The following BANP variants were observed in gnomAD, a reference collection of about 807,000 sequenced individuals.
BANP encodes protein BANP.
In BANP, 11 loss-of-function variants were observed where a neutral mutation model predicts 68.1. The observed-to-expected ratio is 0.16, with a 90% CI of 0.10 to 0.27. The LOEUF is 0.27. BANP is among the 10% of genes least tolerant of loss of function. The probability of loss-of-function intolerance (pLI) is 1.00; values close to 1 mark genes in which losing one functional copy is unlikely to be tolerated. For missense variants in BANP, 504 were observed against 722.7 expected, an observed-to-expected ratio of 0.70 and a Z score of 3.47; for synonymous variants, 329 against 303.2, an observed-to-expected ratio of 1.09 and a Z score of -0.88.
intron 4 of BANP, among the ~76,000 whole-genome samples, chr16:87,991,415 C>A (rs1481429881): frequency 6.6e-6 from 1 of 152,146 alleles, no homozygotes; most frequent in Non-Finnish European, 1.5e-5. Context: ...TAATTTGGAG[C>A]ACTTCTCTAG....
chr16:87,975,216 T>A (rs1261248147), intron 2 of BANP, 31 bp downstream of exon 2: 1 of 1,606,606 alleles, frequency 6.2e-7, no homozygotes, highest in Non-Finnish European at 8.5e-7. Context: ...AGGTGAAATA[T>A]TATTCTCTTT....
At chr16:88,005,757 G>A (rs2070854574) in intron 5 of BANP, among the ~76,000 whole-genome samples, 1 of 152,166 alleles carries the variant, frequency 6.6e-6, no homozygotes, top group African/African-American at 2.4e-5. Flanking sequence ...TAACCTCGCC[G>A]GAAAAAAGAC....
At chr16:88,027,141 G>A (rs1351235833) in intron 7 of BANP, among the ~76,000 whole-genome samples, 1 of 152,270 alleles carries the variant, frequency 6.6e-6, no homozygotes, top group African/African-American at 2.4e-5. Context: ...CAGGGCAGAG[G>A]GAAGTTGGGG....
rs1166679361 is a variant in BANP, at chr16:87,984,070, A to G, written c.173A>G (p.Tyr58Cys). ...CQDPSIKSFLYSINQTICLRL... is the reference protein window; with the variant it reads ...CQDPSIKSFLCSINQTICLRL... ...TTTTTTCACTTCCAGTCATTCCTGT[A>G]TTCCATCAACCAGACAATCTGCTTG... The change falls in exon 4 of 14, where the codon TAT becomes TGT. Residue 58 changes from tyrosine (Y) to cysteine (C), a missense_variant. Coordinates refer to ENST00000682872, the MANE Select transcript of BANP (RefSeq NM_001386991.1). 5 of 1,613,988 alleles carry G rather than the reference A, an allele frequency of 3.1e-6. No individual in the cohort carries two copies. The East Asian group carries it at 6.7e-5, about 22-fold the overall frequency.
chr16:87,968,926 A>G (rs2060619169), intron 1 of BANP, among the ~76,000 whole-genome samples: 1 of 152,226 alleles, frequency 6.6e-6, no homozygotes, highest in African/African-American at 2.4e-5. Context: ...TGGAAATATT[A>G]TTAGAGGATG....
intron 4 of BANP, among the ~76,000 whole-genome samples, chr16:87,986,276 T>C (rs1247622926): frequency 6.6e-6 from 1 of 152,238 alleles, no homozygotes; most frequent in African/African-American, 2.4e-5. Context: ...ACTTGTCACT[T>C]GTCACGTTGT....
intron 1 of BANP, among the ~76,000 whole-genome samples, chr16:87,970,998 CAG>C (rs1231286658): frequency 1.5e-5 from 2 of 134,658 alleles, no homozygotes; most frequent in African/African-American, 5.9e-5. Flanking sequence ...GCCTGGGCAA[CAG>C]AGTGAGACTG....
chr16:87,949,946 C>G (rs1419441901), upstream of BANP, among the ~76,000 whole-genome samples: 2 of 150,572 alleles, frequency 1.3e-5, no homozygotes, highest in South Asian at 2.1e-4. Context: ...GGCGCCATCT[C>G]GGCTCACTGC....
At chr16:88,024,164 G>A in intron 7 of BANP, among the ~76,000 whole-genome samples, 1 of 152,204 alleles carries the variant, frequency 6.6e-6, no homozygotes, top group African/African-American at 2.4e-5. Context: ...AGTCACGTGT[G>A]CGGGGCTGTG....
In BANP at chr16:87,973,259, C is replaced by CT. The variant is rs59324090; in HGVS notation, c.-68-1779dup. 1.3e-3 allele frequency among the ~76,000 whole-genome samples: 201 copies of CT among 149,338 alleles called. 2 individuals carry two copies. Among genetic ancestry groups the CT allele is most frequent in the Admixed American group, 4.0e-3 (60 of 14,998 alleles). On this transcript the variant is annotated intron_variant, in intron 1 of 13. Transcript: ENST00000682872. ...CCCCTCCAGTTATTTGTCATCAGCT[C>CT]TTTTTTTTTTGTTAGGGACAGTTGA...
chr16:88,035,357 C>T lies in BANP; in HGVS notation c.1235C>T (p.Pro412Leu). 3 of 1,611,678 alleles carry T rather than the reference C, an allele frequency of 1.9e-6. No homozygotes were observed. The highest frequency in any genetic ancestry group is 2.5e-6 in the Non-Finnish European group (3 of 1,179,278). The change falls in exon 10 of 14, where the codon CCG becomes CTG. Residue 412 changes from proline (P) to leucine (L), a missense_variant. Transcript: ENST00000682872. ...GGACACCTCCACATCGCCCAGGTGC[C>T]GCAGGGGGAGCAAGTCCAGATCACG... ...PQGHLHIAQV[P>L]QGEQVQITQD...
rs2058276282 is a variant in BANP, at chr16:87,957,328, G to C, written c.-69+5813G>C. ...CGGCTGAGGAGGTGAAAGGCTGAGA[G>C]GAGGCTGCAGTGAAACACCTGAGGA... On this transcript the variant is annotated intron_variant, in intron 1 of 13. Coordinates refer to ENST00000682872, the MANE Select transcript of BANP (RefSeq NM_001386991.1). This position sits in a 1 kb window ranked among gnomAD's most constrained non-coding sequence, Gnocchi z 4.3. Among the ~76,000 whole-genome samples the C allele has an allele frequency of 6.6e-6, 1 of 152,208 alleles. No individual in the cohort carries two copies. Among genetic ancestry groups the C allele is most frequent in the Admixed American group, 6.5e-5 (1 of 15,288 alleles).
At chr16:88,063,564 C>T (rs988007384) in intron 11 of BANP, among the ~76,000 whole-genome samples, 1 of 152,180 alleles carries the variant, frequency 6.6e-6, no homozygotes, top group Non-Finnish European at 1.5e-5. Flanking sequence ...TGCACAAGCT[C>T]CTGTGATGAT....
intron 4 of BANP, among the ~76,000 whole-genome samples, chr16:87,989,500 T>C (rs2065320636): frequency 6.6e-6 from 1 of 152,252 alleles, no homozygotes; most frequent in Non-Finnish European, 1.5e-5. Context: ...GATAGTGGTG[T>C]AAACAGGATG....
At chr16:88,019,964 G>A (rs993388258) in intron 7 of BANP, among the ~76,000 whole-genome samples, 4 of 152,208 alleles carry the variant, frequency 2.6e-5, no homozygotes, top group Admixed American at 1.3e-4. Flanking sequence ...GCAGGTCATG[G>A]CATCTTCCCA....
chr16:88,053,930 C>A lies in BANP; in HGVS notation c.1312-11337C>A, dbSNP rs1293485805. Among the ~76,000 whole-genome samples, 16 of 92,958 alleles carry A rather than the reference C, an allele frequency of 1.7e-4. 3 individuals are homozygous for A. Among genetic ancestry groups the A allele is most frequent in the African/African-American group, 3.1e-5 (1 of 32,778 alleles). The allele number at this position is 92,958 out of a possible 152,430, so 61.0% of individuals were successfully genotyped here. A position where few individuals can be genotyped will look rare whatever the true frequency, so the allele number is the denominator to read the frequency against. On this transcript the variant is annotated intron_variant, in intron 11 of 13. Coordinates refer to ENST00000682872, the MANE Select transcript of BANP (RefSeq NM_001386991.1). ...ACCACCACCTCTACCACTGTCATCTCCATCATCATCACCAACACAACCACC... is the reference window on the plus strand; with the variant it reads ...ACCACCACCTCTACCACTGTCATCTACATCATCATCACCAACACAACCACC...
At chr16:88,040,825 A>G (rs1247361866) in intron 11 of BANP, among the ~76,000 whole-genome samples, 2 of 152,198 alleles carry the variant, frequency 1.3e-5, no homozygotes, top group African/African-American at 2.4e-5. Context: ...CAGCACCCCA[A>G]CCGGAGTAAG....
At chr16:87,950,309 T>C (rs1242348913), upstream of BANP, 1 of 152,218 alleles carries the variant, frequency 6.6e-6, no homozygotes, top group Non-Finnish European at 1.5e-5. Context: ...AAGGTAATCC[T>C]AGATTAGCAG....
chr16:87,984,970 C>T lies in BANP; in HGVS notation c.362+711C>T, dbSNP rs549926229. Among the ~76,000 whole-genome samples, 10 of 152,356 alleles carry T rather than the reference C, an allele frequency of 6.6e-5. No homozygotes were observed. In the East Asian group the frequency reaches 1.4e-3, roughly 21 times the overall value. ...CTGAGCGCTACTCACTTCAGGTTCCCTGGCCTGGCTGTAGCCTTCTGCCCG... is the reference window on the plus strand; with the variant it reads ...CTGAGCGCTACTCACTTCAGGTTCCTTGGCCTGGCTGTAGCCTTCTGCCCG... On this transcript the variant is annotated intron_variant, in intron 4 of 13. Coordinates refer to ENST00000682872, the MANE Select transcript of BANP (RefSeq NM_001386991.1).
Sources: allele counts gnomAD v4.1 joint callset (sites outside exome capture counted in the v4.1 genomes callset), GRCh38; gene constraint gnomAD v4.1.1; non-coding constraint Gnocchi (gnomAD v3.1); transcripts MANE v1.5; gene names NCBI Gene and HGNC (gene_info 2026-07-23, HGNC 2026-07-21).